CPXM2: variants seen among roughly 807,000 people sequenced by gnomAD.
CPXM2 encodes carboxypeptidase X, M14 family member 2.
In CPXM2, 66 loss-of-function variants were observed where a neutral mutation model predicts 86.1. That is an observed-to-expected ratio of 0.77 (90% confidence interval 0.63 to 0.94). The LOEUF is 0.94. CPXM2 is among the 40% of genes least tolerant of loss of function. The pLI, the probability that CPXM2 is intolerant of heterozygous loss-of-function variation, is 0.00. For synonymous variants in CPXM2, 388 were observed against 400.2 expected, an observed-to-expected ratio of 0.97 and a Z score of 0.36; for missense variants, 948 against 1,026.3, an observed-to-expected ratio of 0.92 and a Z score of 1.04.
upstream of CPXM2, among the ~76,000 whole-genome samples, chr10:123,895,691 C>T (rs562750989): frequency 6.6e-5 from 10 of 152,236 alleles, no homozygotes; most frequent in Non-Finnish European, 1.0e-4. Flanking sequence ...AGTCTCTCCG[C>T]GTAGTGTAAG....
intron 2 of CPXM2, among the ~76,000 whole-genome samples, chr10:123,938,421 G>C (rs947589293): frequency 6.6e-6 from 1 of 152,232 alleles, no homozygotes; most frequent in Non-Finnish European, 1.5e-5. Flanking sequence ...CAAATCTCCT[G>C]ATCATGAGAT....
At chr10:123,844,439 A>ATT (rs905317545) in intron 3 of CPXM2, among the ~76,000 whole-genome samples, 1 of 151,256 alleles carries the variant, frequency 6.6e-6, no homozygotes, top group South Asian at 2.1e-4. Flanking sequence ...AATTATATGC[A>ATT]TTTTTTTTTA....
chr10:123,860,293 T>G (rs756594086), intron 3 of CPXM2, among the ~76,000 whole-genome samples: 1 of 152,280 alleles, frequency 6.6e-6, no homozygotes, highest in South Asian at 2.1e-4. Flanking sequence ...TGTGAGTGAT[T>G]AGGACTCTCA....
Position 123,871,745 on chromosome 10 carries a change from A to G in CPXM2, c.403+8466T>C, listed in dbSNP as rs28661198. On this transcript the variant is annotated intron_variant, in intron 2 of 13. Coordinates refer to ENST00000241305, the MANE Select transcript of CPXM2 (RefSeq NM_198148.3). ...GTCTATATTAAATTTAAGAGCATTT[A>G]TTATTCAAAAGACACTTCTACTAGA... Among the ~76,000 whole-genome samples the G allele has an allele frequency of 6.4e-3, 971 of 152,232 alleles. 15 individuals are homozygous for G. The highest frequency in any genetic ancestry group is 5.6e-3 in the Non-Finnish European group (382 of 68,006).
intron 3 of CPXM2, among the ~76,000 whole-genome samples, chr10:123,852,640 G>T: frequency 6.6e-6 from 1 of 152,170 alleles, no homozygotes; most frequent in Non-Finnish European, 1.5e-5. Flanking sequence ...CTTCCAGGGG[G>T]CCTGCAGGCC....
chr10:123,879,276 T>C (rs1945043433), intron 2 of CPXM2, among the ~76,000 whole-genome samples: 2 of 152,204 alleles, frequency 1.3e-5, no homozygotes, highest in African/African-American at 4.8e-5. Flanking sequence ...ACACTGTTTA[T>C]GGACTCACAT....
chr10:123,843,877 T>C (rs898100327), intron 3 of CPXM2, among the ~76,000 whole-genome samples: 14 of 152,164 alleles, frequency 9.2e-5, no homozygotes, highest in Non-Finnish European at 1.9e-4. Context: ...TATAGAATCA[T>C]GGAAACTGGA....
At chr10:123,872,826 T>C (rs1390502929) in intron 2 of CPXM2, among the ~76,000 whole-genome samples, 1 of 152,136 alleles carries the variant, frequency 6.6e-6, no homozygotes, top group African/African-American at 2.4e-5. Flanking sequence ...AAATGTGACC[T>C]TGAAAGTAAC....
chr10:123,911,346 G>A (rs1365565057), intron 2 of CPXM2, among the ~76,000 whole-genome samples: 1 of 152,062 alleles, frequency 6.6e-6, no homozygotes, highest in Admixed American at 6.5e-5. Flanking sequence ...AGGTCCCCCG[G>A]CAGCTGCTAG....
At chr10:123,837,705 T>C (rs1848307587) in intron 4 of CPXM2, among the ~76,000 whole-genome samples, 2 of 152,284 alleles carry the variant, frequency 1.3e-5, no homozygotes, top group South Asian at 4.1e-4. Context: ...ATTAAAACAA[T>C]CTGGTTGTTT....
At chr10:123,915,689 C>T (rs997741192) in intron 2 of CPXM2, among the ~76,000 whole-genome samples, 1 of 152,162 alleles carries the variant, frequency 6.6e-6, no homozygotes, top group South Asian at 2.1e-4. Context: ...TGGTCAATGG[C>T]TCCTTATGGA....
At chr10:123,781,384 C>A (rs1846930173) in intron 6 of CPXM2, among the ~76,000 whole-genome samples, 1 of 152,168 alleles carries the variant, frequency 6.6e-6, no homozygotes, top group East Asian at 1.9e-4. Flanking sequence ...CAGGGAGGAG[C>A]AAGAACAAGA....
chr10:123,848,959 C>T (rs1255089871), intron 3 of CPXM2, among the ~76,000 whole-genome samples: 2 of 152,190 alleles, frequency 1.3e-5, no homozygotes, highest in Non-Finnish European at 2.9e-5. Flanking sequence ...ATGGAAGCCA[C>T]TGGGGGTACA....
intron 4 of CPXM2, among the ~76,000 whole-genome samples, chr10:123,826,300 T>A (rs1848046361): frequency 6.6e-6 from 1 of 152,058 alleles, no homozygotes; most frequent in South Asian, 2.1e-4. Flanking sequence ...GCACGGAAGG[T>A]TAAGAGCACT....
intron 4 of CPXM2, among the ~76,000 whole-genome samples, chr10:123,803,118 C>CTTTTTTTTTTTTTTTTTTTTTTTTTTTTT (rs532954173): frequency 1.6e-5 from 1 of 63,634 alleles, no homozygotes; most frequent in African/African-American, 5.6e-5. Flanking sequence ...TTGTAGTACC[C>CTTTTTTTTTTTTTTTTTTTTTTTTTTTTT]TTTTTTTTTT....
At position 123,761,878 on chromosome 10, in the gene CPXM2, C is replaced by T. The variant is rs564623475; in HGVS notation, c.1771G>A (p.Ala591Thr). ...CCCCCAGAGGGAGGCTTACTTCCAG[C>T]GACGGTGTGCCAGGAGGCCCCATTG... ...TVNGASWHTV[A>T]GSLNDFSYLH... Residue 591 changes from alanine to threonine, a missense_variant, in exon 11 of 14, where the codon GCT (alanine) becomes ACT (threonine). Coordinates refer to ENST00000241305, the MANE Select transcript of CPXM2 (RefSeq NM_198148.3). 9.3e-6 allele frequency: 15 copies of T among 1,612,862 alleles called. No homozygotes were observed. In the Middle Eastern group the frequency reaches 1.0e-3, roughly 109 times the overall value.
At chr10:123,932,944 C>T (rs964555604) in intron 2 of CPXM2, among the ~76,000 whole-genome samples, 1 of 152,304 alleles carries the variant, frequency 6.6e-6, no homozygotes, top group East Asian at 1.9e-4. Context: ...ACAACTGGGT[C>T]TCCTGGAGCA....
intron 2 of CPXM2, among the ~76,000 whole-genome samples, chr10:123,919,570 A>G (rs986758311): frequency 6.6e-6 from 1 of 152,230 alleles, no homozygotes; most frequent in African/African-American, 2.4e-5. Flanking sequence ...CCAGTAGGAA[A>G]GAACCAAGTG....
At position 123,879,778 on chromosome 10, in the gene CPXM2, G is replaced by A. The variant is rs78280454; in HGVS notation, c.403+433C>T. Among the ~76,000 whole-genome samples the A allele has an allele frequency of 2.5e-3, 386 of 152,182 alleles. 4 individuals are homozygous for A. The highest frequency in any genetic ancestry group is 8.4e-3 in the African/African-American group (347 of 41,534). On this transcript the variant is annotated intron_variant, in intron 2 of 13. Coordinates refer to ENST00000241305, the MANE Select transcript of CPXM2 (RefSeq NM_198148.3). ...ACTATGTTCATGACTGTGAGATGCC[G>A]GCCTAGCACTGCATATTTTGCAAGT...
Sources: allele counts gnomAD v4.1 joint callset (sites outside exome capture counted in the v4.1 genomes callset), GRCh38; gene constraint gnomAD v4.1.1; transcripts MANE v1.5; gene names NCBI Gene and HGNC (gene_info 2026-07-23, HGNC 2026-07-21).